SBF2: variants seen among roughly 807,000 people sequenced by gnomAD.
SBF2 encodes SET binding factor 2.
Under a neutral mutation model 225.2 loss-of-function variants are expected in SBF2, and 112 were observed. The ratio of observed to expected loss-of-function variants is 0.50; its 90% CI spans 0.43 to 0.58. The LOEUF (loss-of-function observed/expected upper bound fraction) is 0.58. SBF2 is among the 20% of genes least tolerant of loss of function. The pLI, the probability that SBF2 is intolerant of heterozygous loss-of-function variation, is 0.00. For synonymous variants in SBF2, 763 were observed against 773.3 expected (o/e 0.99, Z 0.22); for missense variants, 1,996 against 2,206.2 (o/e 0.90, Z 1.91).
At chr11:9,992,954 T>C (rs1164278839) in intron 11 of SBF2, 36 bp downstream of exon 11, 1 of 1,406,958 alleles carries the variant, frequency 7.1e-7, no homozygotes, top group East Asian at 2.3e-5. Flanking sequence ...TTAGAATATA[T>C]TTTTTGGACA....
At chr11:9,939,068 C>T (rs1415815481) in intron 16 of SBF2, among the ~76,000 whole-genome samples, 1 of 151,412 alleles carries the variant, frequency 6.6e-6, no homozygotes, top group African/African-American at 2.4e-5. Flanking sequence ...AACAAGCATG[C>T]TTTATTTCTT....
chr11:10,001,593 C>T (rs185821154), intron 7 of SBF2, among the ~76,000 whole-genome samples: 4 of 151,520 alleles, frequency 2.6e-5, no homozygotes, highest in South Asian at 4.2e-4. Context: ...GGTGCGATCT[C>T]GGCTCACTGC....
intron 1 of SBF2, among the ~76,000 whole-genome samples, chr11:10,213,974 C>T (rs1309762786): frequency 6.6e-6 from 1 of 152,136 alleles, no homozygotes; most frequent in East Asian, 1.9e-4. Context: ...TATGACAGTC[C>T]TAGAGTTATA....
intron 16 of SBF2, among the ~76,000 whole-genome samples, chr11:9,945,861 C>T (rs963834160): frequency 6.6e-6 from 1 of 151,800 alleles, no homozygotes; most frequent in African/African-American, 2.4e-5. Context: ...TAGAGAAATG[C>T]AAATCAAAAC....
At chr11:10,078,360 C>G (rs1951213285) in intron 2 of SBF2, among the ~76,000 whole-genome samples, 1 of 152,088 alleles carries the variant, frequency 6.6e-6, no homozygotes, top group Admixed American at 6.5e-5. Context: ...TTCACAATAG[C>G]AAAGACTTGG....
upstream of SBF2, among the ~76,000 whole-genome samples, chr11:10,298,059 T>G (rs369189982): frequency 8.5e-5 from 13 of 152,370 alleles, no homozygotes; most frequent in South Asian, 2.5e-3. Context: ...AACACTATCA[T>G]GATGTGTATG....
chr11:10,057,843 C>A (rs1348462655), intron 2 of SBF2, among the ~76,000 whole-genome samples: 1 of 152,158 alleles, frequency 6.6e-6, no homozygotes, highest in Non-Finnish European at 1.5e-5. Flanking sequence ...AACCAACTGA[C>A]CAATAAGCCT....
At chr11:10,217,042 A>AT (rs1322054046) in intron 1 of SBF2, among the ~76,000 whole-genome samples, 2 of 152,220 alleles carry the variant, frequency 1.3e-5, no homozygotes, top group African/African-American at 2.4e-5. Flanking sequence ...CTTGCCTTTC[A>AT]TAGTAGGTAA....
chr11:9,949,921 T>C (rs1865763614), intron 16 of SBF2, among the ~76,000 whole-genome samples: 2 of 152,118 alleles, frequency 1.3e-5, no homozygotes, highest in African/African-American at 4.8e-5. Flanking sequence ...TTGAACACAT[T>C]AAAATATCCA....
intron 16 of SBF2, among the ~76,000 whole-genome samples, chr11:9,949,690 T>A (rs1327501761): frequency 6.6e-6 from 1 of 152,126 alleles, no homozygotes; most frequent in Non-Finnish European, 1.5e-5. Context: ...GTTCTGCATT[T>A]ACATTCATAA....
At chr11:10,170,559 G>A (rs892676827) in intron 2 of SBF2, among the ~76,000 whole-genome samples, 22 of 152,076 alleles carry the variant, frequency 1.4e-4, no homozygotes, top group African/African-American at 5.1e-4. Flanking sequence ...GTCAGATAAT[G>A]TAATTCTTCC....
intron 13 of SBF2, among the ~76,000 whole-genome samples, chr11:9,978,346 A>G (rs905617580): frequency 1.3e-5 from 2 of 152,238 alleles, no homozygotes; most frequent in African/African-American, 4.8e-5. Flanking sequence ...GGACAGTCAC[A>G]AATTCTTACT....
At chr11:10,088,667 A>G (rs920280535) in intron 2 of SBF2, among the ~76,000 whole-genome samples, 5 of 152,186 alleles carry the variant, frequency 3.3e-5, no homozygotes, top group Non-Finnish European at 5.9e-5. Flanking sequence ...GAACTTAAAG[A>G]GTGAGAACTC....
At chr11:10,019,042 T>C (rs566177880) in intron 6 of SBF2, among the ~76,000 whole-genome samples, 9 of 152,320 alleles carry the variant, frequency 5.9e-5, no homozygotes, top group African/African-American at 1.7e-4. Context: ...TATTCTACTA[T>C]AGTTTTAAAA....
intron 1 of SBF2, among the ~76,000 whole-genome samples, chr11:10,270,143 A>G (rs1962349261): frequency 6.6e-6 from 1 of 152,140 alleles, no homozygotes; most frequent in Non-Finnish European, 1.5e-5. Flanking sequence ...AACATTTTGT[A>G]GTTAATAAAA....
Position 9,785,302 on chromosome 11 carries a change from G to C in SBF2, c.5054C>G (p.Ser1685Trp), listed in dbSNP as rs148468522. 123 of 1,614,082 alleles carry C rather than the reference G, an allele frequency of 7.6e-5. No individual in the cohort carries two copies. In the African/African-American group the frequency reaches 1.4e-3, roughly 19 times the overall value. The change falls in exon 37 of 40, where the codon TCG becomes TGG. Residue 1685 changes from serine to tryptophan, a missense_variant. By Grantham distance (177) the Ser-to-Trp change is radical. Transcript: ENST00000256190. ...GGTAGACACAATTCCTGGGGATCTC[G>C]ACAGGTGTCTTTGGGACTGAAAAAG... ...PRTDRSQRHL[S>W]RSPGIVSTNL... is the part of the protein sequence containing the mutation.
At chr11:9,994,038 T>C (rs779438138) in intron 9 of SBF2, 40 bp from the exon 10 acceptor site, 5 of 1,139,562 alleles carry the variant, frequency 4.4e-6, no homozygotes. Flanking sequence ...TATCATAATA[T>C]CAATGAAATC....
intron 1 of SBF2, among the ~76,000 whole-genome samples, chr11:10,248,713 A>C (rs1232525280): frequency 6.6e-6 from 1 of 152,270 alleles, no homozygotes; most frequent in Non-Finnish European, 1.5e-5. Flanking sequence ...TTTTTTGCCT[A>C]ACTTTAGTTA....
At chr11:10,285,422 G>C (rs540603715) in intron 1 of SBF2, among the ~76,000 whole-genome samples, 2 of 152,180 alleles carry the variant, frequency 1.3e-5, no homozygotes, top group East Asian at 3.9e-4. Flanking sequence ...ATAATACTGA[G>C]GCAGGAGAAT....
Sources: allele counts gnomAD v4.1 joint callset (sites outside exome capture counted in the v4.1 genomes callset), GRCh38; gene constraint gnomAD v4.1.1; transcripts MANE v1.5; gene names NCBI Gene and HGNC (gene_info 2026-07-23, HGNC 2026-07-21).